DCC: variants seen among roughly 807,000 people sequenced by gnomAD.
DCC encodes the protein DCC netrin 1 receptor, also known as netrin receptor DCC.
Under a neutral mutation model 172.5 loss-of-function variants are expected in DCC, and 58 were observed. The observed-to-expected ratio is 0.34, with a 90% confidence interval of 0.27 to 0.42. DCC has a LOEUF of 0.42. DCC is among the 10% of genes least tolerant of loss of function. The pLI, the probability that DCC is intolerant of heterozygous loss-of-function variation, is 1.00. For missense variants in DCC, 1,740 were observed against 1,791.0 expected, an observed-to-expected ratio of 0.97 and a Z score of 0.51; for synonymous variants, 709 against 644.5, an observed-to-expected ratio of 1.10 and a Z score of -1.52.
intron 2 of DCC, among the ~76,000 whole-genome samples, chr18:52,891,617 C>T (rs2039651316): frequency 6.6e-6 from 1 of 151,992 alleles, no homozygotes; most frequent in East Asian, 1.9e-4. Context: ...ATATTTTTTG[C>T]TATCTTCCAT....
At chr18:52,460,456 G>A (rs1988596601) in intron 1 of DCC, among the ~76,000 whole-genome samples, 1 of 151,748 alleles carries the variant, frequency 6.6e-6, no homozygotes, top group African/African-American at 2.4e-5. Context: ...TTTCCATACT[G>A]GTTGCTTTTT....
In DCC at chr18:53,450,899, C is replaced by T. The variant is rs556292959; in HGVS notation, c.3392+237C>T. 3.3e-5 allele frequency among the ~76,000 whole-genome samples: 5 copies of T among 152,304 alleles called. No homozygotes were observed. In the South Asian group the frequency reaches 1.0e-3, roughly 32 times the overall value. ...CCACTTATATTTCTGTTTGCTTTTA[C>T]TTCTCTGACCCCTTCTCATTTTCAA... On this transcript the variant is annotated intron_variant, in intron 23 of 28. Coordinates refer to ENST00000442544, the MANE Select transcript of DCC (RefSeq NM_005215.4).
At chr18:53,131,912 A>G (rs984690107) in intron 7 of DCC, among the ~76,000 whole-genome samples, 4 of 145,300 alleles carry the variant, frequency 2.8e-5, no homozygotes, top group Admixed American at 6.9e-5. Flanking sequence ...TTTACAGCCT[A>G]TAATGGCACT....
At chr18:52,833,892 G>T (rs2038658894) in intron 2 of DCC, among the ~76,000 whole-genome samples, 1 of 152,112 alleles carries the variant, frequency 6.6e-6, no homozygotes, top group African/African-American at 2.4e-5. Flanking sequence ...TTGAACTCCT[G>T]GGCTCAAGCA....
intron 1 of DCC, among the ~76,000 whole-genome samples, chr18:52,407,389 A>G (rs1169329037): frequency 6.6e-6 from 1 of 152,086 alleles, no homozygotes; most frequent in Non-Finnish European, 1.5e-5. Flanking sequence ...TGCATTTGAT[A>G]TATTTTCGGT....
At chr18:52,926,777 GTC>G (rs1301715977) in intron 5 of DCC, among the ~76,000 whole-genome samples, 3 of 118,366 alleles carry the variant, frequency 2.5e-5, no homozygotes, top group Non-Finnish European at 4.0e-5. Context: ...AACTAAATTA[GTC>G]TCTATATATA....
chr18:52,639,963 T>C (rs2034857935), intron 1 of DCC, among the ~76,000 whole-genome samples: 1 of 152,118 alleles, frequency 6.6e-6, no homozygotes, highest in Non-Finnish European at 1.5e-5. Context: ...CTAAAATCCT[T>C]GACAAAATAC....
intron 9 of DCC, among the ~76,000 whole-genome samples, chr18:53,203,232 T>TGTGC (rs1050332877): frequency 6.7e-6 from 1 of 148,544 alleles, no homozygotes; most frequent in African/African-American, 2.5e-5. Flanking sequence ...TGTGTGTGTG[T>TGTGC]GTGCGTGTGT....
At chr18:52,740,824 A>G (rs75634284) in intron 1 of DCC, among the ~76,000 whole-genome samples, 9,793 of 152,264 alleles carry the variant, frequency 0.064, 443 homozygotes, top group South Asian at 0.15. Flanking sequence ...AGTCTGTGAT[A>G]AACTGATCAG....
At chr18:52,600,550 A>C (rs1056285377) in intron 1 of DCC, among the ~76,000 whole-genome samples, 1 of 152,166 alleles carries the variant, frequency 6.6e-6, no homozygotes, top group Non-Finnish European at 1.5e-5. Flanking sequence ...AGCTCATTGG[A>C]TTTTAATCGA....
intron 18 of DCC, among the ~76,000 whole-genome samples, chr18:53,399,538 T>C (rs932466101): frequency 5.3e-5 from 8 of 152,122 alleles, no homozygotes; most frequent in Non-Finnish European, 1.2e-4. Flanking sequence ...TGAAATCTTC[T>C]GAAACTTAAA....
At chr18:53,207,611 A>G (rs1287595113) in intron 10 of DCC, 68 bp from the exon 11 acceptor site, 2 of 1,421,676 alleles carry the variant, frequency 1.4e-6, no homozygotes, top group African/African-American at 1.4e-5. Context: ...CACTGATTGC[A>G]CAGAATGAGT....
rs577209342 is a variant in DCC, at chr18:53,456,167, G to A, written c.3393-3065G>A. ...ACAGTGACCTGAGATGGTCAGGAAG[G>A]TTCCCTGAAGGAGAGAGTCTTGAAA... On this transcript the variant is annotated intron_variant, in intron 23 of 28. Coordinates refer to ENST00000442544, the MANE Select transcript of DCC (RefSeq NM_005215.4). Among the ~76,000 whole-genome samples the A allele has an allele frequency of 2.6e-5, 4 of 152,300 alleles. No individual in the cohort carries two copies. In the East Asian group the frequency reaches 7.7e-4, roughly 29 times the overall value.
intron 2 of DCC, among the ~76,000 whole-genome samples, chr18:52,892,123 A>T (rs999577078): frequency 1.3e-5 from 2 of 152,126 alleles, no homozygotes; most frequent in African/African-American, 4.8e-5. Flanking sequence ...CCCATGTCCT[A>T]TTGAACCACG....
Position 53,499,356 on chromosome 18 carries a change from G to T in DCC, c.3957G>T (p.Glu1319Asp). The change falls in exon 27 of 29, where the codon GAG (glutamate) becomes GAT (aspartate). Residue 1319 changes from glutamate to aspartate, a missense_variant. Physicochemically the swap from Glu to Asp is conservative, Grantham distance 45 (BLOSUM62 2). Transcript: ENST00000442544. The stretch of plus-strand genomic sequence containing the variant: ...CTATGCTGCCCCCATCTCAGCCTGA[G>T]CATTCTAGCAGCGAGGAGGCACCAA... The part of the protein sequence containing the change: ...QPPMLPPSQP[E>D]HSSSEEAPSR... 6.2e-7 allele frequency: 1 copy of T among 1,614,080 alleles called. No individual in the cohort carries two copies. The highest frequency in any genetic ancestry group is 8.5e-7 in the Non-Finnish European group (1 of 1,180,004).
At chr18:53,509,293 T>A (rs906305464) in intron 27 of DCC, among the ~76,000 whole-genome samples, 4 of 152,264 alleles carry the variant, frequency 2.6e-5, no homozygotes, top group Non-Finnish European at 4.4e-5. Context: ...TTATACATTT[T>A]GTTTTTATTA....
At chr18:52,794,942 T>A (rs1370218193) in intron 2 of DCC, among the ~76,000 whole-genome samples, 2 of 152,110 alleles carry the variant, frequency 1.3e-5, no homozygotes, top group African/African-American at 4.8e-5. Context: ...TTGATTTATG[T>A]ACATGGAACC....
intron 2 of DCC, among the ~76,000 whole-genome samples, chr18:52,841,569 A>G (rs1030615456): frequency 6.6e-6 from 1 of 152,176 alleles, no homozygotes; most frequent in Non-Finnish European, 1.5e-5. Context: ...GGATGGTACC[A>G]GTACATGTAG....
chr18:53,438,514 A>T (rs919669461), intron 22 of DCC, among the ~76,000 whole-genome samples: 103 of 152,156 alleles, frequency 6.8e-4, no homozygotes, highest in African/African-American at 2.3e-3. Flanking sequence ...ATCTCAATTT[A>T]TATATGCACC....
Sources: gnomAD v4.1 joint callset for allele counts (sites outside exome capture counted in the v4.1 genomes callset) on GRCh38, gnomAD v4.1.1 for gene constraint, MANE v1.5 for transcripts, NCBI Gene and HGNC (gene_info 2026-07-23, HGNC 2026-07-21) for gene names.